Variants in RBBP4 observed in about 807,000 individuals in gnomAD.
RBBP4 encodes RB binding protein 4, chromatin remodeling factor.
A neutral mutation model predicts 57.2 loss-of-function variants in RBBP4; 3 were observed. The observed-to-expected ratio is 0.05, with a 90% CI of 0.02 to 0.14. The LOEUF is 0.14. Ranked by LOEUF, RBBP4 falls within the 10% of genes least tolerant of loss-of-function variation. The pLI is 1.00. For missense variants in RBBP4, 107 were observed against 520.6 expected (o/e 0.21, Z 7.73); for synonymous variants, 151 against 171.5 (o/e 0.88, Z 0.93).
Position 32,651,840 on chromosome 1 carries a change from A to G in RBBP4, c.17-74A>G. 3 of 1,476,524 alleles carry G rather than the reference A, an allele frequency of 2.0e-6. No homozygotes were observed. In the South Asian group the frequency reaches 3.7e-5, roughly 18 times the overall value. 91.5% of individuals were successfully genotyped at this position (1,476,524 alleles called of 1,614,324 possible). On this transcript the variant is annotated intron_variant, in intron 1 of 11. Coordinates refer to ENST00000373493, the MANE Select transcript of RBBP4 (RefSeq NM_005610.3). Reference sequence around the variant, plus strand: ...ATTTCATGGTTAGGCTGTAGGAGTCATGCAGGTGGCTTTGCAGAGGATTAC... The same window carrying G: ...ATTTCATGGTTAGGCTGTAGGAGTCGTGCAGGTGGCTTTGCAGAGGATTAC...
rs989817734 is a variant in RBBP4, at chr1:32,676,329, G to A, written c.1213-3311G>A. ...ATTTAGAAAGCTGATTACTGGCCAG[G>A]TGTGGTGGCTCACGCCTGTAATTCC... On this transcript the variant is annotated intron_variant, in intron 11 of 11. Transcript: ENST00000373493. 3.9e-5 allele frequency among the ~76,000 whole-genome samples: 6 copies of A among 151,902 alleles called. No homozygotes were observed. In the South Asian group the frequency reaches 8.3e-4, roughly 21 times the overall value.
At chr1:32,672,427 C>G in intron 8 of RBBP4, 23 bp from the exon 9 acceptor site, 1 of 1,517,568 alleles carries the variant, frequency 6.6e-7, no homozygotes, top group Non-Finnish European at 9.0e-7. Context: ...TGGCTTTGCT[C>G]TTTTCTTCAT....
At chr1:32,659,357 T>TC (rs1453482109) in intron 3 of RBBP4, among the ~76,000 whole-genome samples, 1 of 151,728 alleles carries the variant, frequency 6.6e-6, no homozygotes, top group Admixed American at 6.6e-5. Context: ...GGTCAGGAGT[T>TC]CAAGACCAGC....
intron 1 of RBBP4, 193 bp from the exon 2 acceptor site, chr1:32,651,721 G>A: frequency 3.7e-6 from 3 of 803,982 alleles, no homozygotes; most frequent in Non-Finnish European, 5.7e-6. Flanking sequence ...AACGGGTAAC[G>A]GAGTGTTTGG....
chr1:32,663,425 A>C (rs777622624), intron 3 of RBBP4, among the ~76,000 whole-genome samples: 1 of 151,992 alleles, frequency 6.6e-6, no homozygotes, highest in Admixed American at 6.6e-5. Flanking sequence ...CTATTTATTT[A>C]TTTTGTATTA....
chr1:32,651,948 C>A lies in RBBP4; in HGVS notation c.51C>A (p.Ile17=). The A allele has an allele frequency of 6.2e-7, 1 of 1,613,906 alleles. No individual in the cohort carries two copies. Among genetic ancestry groups the A allele is most frequent in the Non-Finnish European group, 8.5e-7 (1 of 1,179,842 alleles). The change falls in exon 2 of 12, where the codon ATC becomes ATA. Residue 17 remains isoleucine, a synonymous_variant. Coordinates refer to ENST00000373493, the MANE Select transcript of RBBP4 (RefSeq NM_005610.3). ...AFDDAVEERV[I]NEEYKIWKKN... ...ACGACGCAGTGGAAGAACGAGTGAT[C>A]AACGAGGAATACAAAATATGGAAAA... is the stretch of plus-strand genomic sequence containing the variant.
At chr1:32,667,903 G>T (rs1648723336) in intron 3 of RBBP4, among the ~76,000 whole-genome samples, 1 of 152,078 alleles carries the variant, frequency 6.6e-6, no homozygotes, top group Non-Finnish European at 1.5e-5. Context: ...ATATTGTTCG[G>T]GGATAATGAT....
At chr1:32,661,132 A>C (rs1329127976) in intron 3 of RBBP4, among the ~76,000 whole-genome samples, 2 of 152,074 alleles carry the variant, frequency 1.3e-5, no homozygotes, top group Non-Finnish European at 2.9e-5. Context: ...TTTTTTATTC[A>C]GTCAACCATT....
At chr1:32,679,257 A>C (rs1003955738) in intron 11 of RBBP4, among the ~76,000 whole-genome samples, 2 of 152,210 alleles carry the variant, frequency 1.3e-5, no homozygotes, top group Non-Finnish European at 2.9e-5. Context: ...AGATGGTGCC[A>C]CTGCACTCCA....
chr1:32,680,723 C>G lies in RBBP4; in HGVS notation c.*1018C>G. ...ACCAGTCTCTGGCTTCTAGAAGAGT[C>G]CTTCAGATGACAGTTGTTGTCCATG... On this transcript the variant is annotated 3_prime_UTR_variant, in exon 12 of 12. Transcript: ENST00000373493. The G allele has an allele frequency of 1.8e-6, 1 of 569,194 alleles. No homozygotes were observed. Among genetic ancestry groups the G allele is most frequent in the South Asian group, 2.8e-5 (1 of 35,416 alleles). The allele number at this position is 569,194 out of a possible 1,614,324, so 35.3% of individuals were successfully genotyped here.
At chr1:32,665,969 A>G (rs1195457544) in intron 3 of RBBP4, among the ~76,000 whole-genome samples, 1 of 152,228 alleles carries the variant, frequency 6.6e-6, no homozygotes, top group Non-Finnish European at 1.5e-5. Context: ...ATAATCACAC[A>G]TTATATTGTT....
Position 32,661,753 on chromosome 1 carries a change from C to T in RBBP4, c.310+4181C>T, listed in dbSNP as rs192675446. Among the ~76,000 whole-genome samples, 3 of 150,028 alleles carry T rather than the reference C, an allele frequency of 2.0e-5. No individual in the cohort carries two copies. In the East Asian group the frequency reaches 5.9e-4, roughly 29 times the overall value. ...TAGCCATTCTGACTGGTGTGAGAGGCATCTATCTGTTTTGATTTGCATTTT... is the reference window on the plus strand; with the variant it reads ...TAGCCATTCTGACTGGTGTGAGAGGTATCTATCTGTTTTGATTTGCATTTT... On this transcript the variant is annotated intron_variant, in intron 3 of 11. Transcript: ENST00000373493.
chr1:32,685,507 A>G lies in RBBP4; in HGVS notation c.*5802A>G, dbSNP rs1649760927. The G allele has an allele frequency of 6.6e-6, 1 of 152,200 alleles. No individual in the cohort carries two copies. Among genetic ancestry groups the G allele is most frequent in the African/African-American group, 2.4e-5 (1 of 41,458 alleles). The allele number at this position is 152,200 out of a possible 1,614,324, so 9.4% of individuals were successfully genotyped here. A position where few individuals can be genotyped will look rare whatever the true frequency, so the allele number is the denominator to read the frequency against. On this transcript the variant is annotated 3_prime_UTR_variant, in exon 12 of 12. Transcript: ENST00000373493. Reference sequence around the variant, plus strand: ...TCCAGTTGTTGGGGTACATGCTATTATTAGAAGGATCTAGATAATTTGTCC... The same window carrying G: ...TCCAGTTGTTGGGGTACATGCTATTGTTAGAAGGATCTAGATAATTTGTCC...
At chr1:32,661,543 G>A (rs978742816) in intron 3 of RBBP4, among the ~76,000 whole-genome samples, 7 of 151,890 alleles carry the variant, frequency 4.6e-5, no homozygotes, top group Admixed American at 1.3e-4. Flanking sequence ...ATCCACCTGC[G>A]TCAGCCTCCC....
At chr1:32,661,653 G>A (rs1570845505) in intron 3 of RBBP4, among the ~76,000 whole-genome samples, 1 of 151,826 alleles carries the variant, frequency 6.6e-6, no homozygotes, top group African/African-American at 2.4e-5. Context: ...GAACTAATTT[G>A]CATTCCCACC....
At chr1:32,655,574 C>T (rs1570834482) in intron 2 of RBBP4, among the ~76,000 whole-genome samples, 1 of 152,148 alleles carries the variant, frequency 6.6e-6, no homozygotes, top group Non-Finnish European at 1.5e-5. Context: ...CAGAAGAATT[C>T]CTATTGATAT....
Position 32,662,086 on chromosome 1 carries a change from A to G in RBBP4, c.310+4514A>G, listed in dbSNP as rs536430835. On this transcript the variant is annotated intron_variant, in intron 3 of 11. Transcript: ENST00000373493. ...GTTGTAGTAGAGATGAGGTTTTACT[A>G]TGTTGGCCAGGATGATCTCCATCTC... Among the ~76,000 whole-genome samples the G allele has an allele frequency of 6.6e-5, 10 of 150,806 alleles. No individual in the cohort carries two copies. In the South Asian group the frequency reaches 1.0e-3, roughly 16 times the overall value.
At chr1:32,675,025 C>A (rs1180084610) in intron 11 of RBBP4, among the ~76,000 whole-genome samples, 2 of 151,866 alleles carry the variant, frequency 1.3e-5, no homozygotes. Flanking sequence ...ACGTGAGCCA[C>A]CGTGCCCGGC....
At chr1:32,673,973 C>T (rs150863230) in intron 11 of RBBP4, among the ~76,000 whole-genome samples, 166 of 151,936 alleles carry the variant, frequency 1.1e-3, no homozygotes, top group Non-Finnish European at 1.4e-3. Context: ...TGGTGGCGGG[C>T]GCCTGTAGTC....
Sources: allele counts gnomAD v4.1 joint callset (sites outside exome capture counted in the v4.1 genomes callset), GRCh38; gene constraint gnomAD v4.1.1; transcripts MANE v1.5; gene names NCBI Gene and HGNC (gene_info 2026-07-23, HGNC 2026-07-21).